The following DENND4A variants were observed in gnomAD, a reference collection of about 807,000 sequenced individuals.
The protein encoded by DENND4A is DENN domain containing 4A, also known as C-myc promoter-binding protein.
In DENND4A, 70 loss-of-function variants were observed where a neutral mutation model predicts 199.3. The observed-to-expected ratio is 0.35, with a 90% CI of 0.29 to 0.43. The LOEUF is 0.43. Ranked by LOEUF, DENND4A falls within the 20% of genes least tolerant of loss-of-function variation. The pLI, the probability that DENND4A is intolerant of heterozygous loss-of-function variation, is 1.00. For missense variants in DENND4A, 1,723 were observed against 2,255.8 expected (o/e 0.76, Z 4.78); for synonymous variants, 686 against 766.9 (o/e 0.89, Z 1.74).
At chr15:65,663,571 A>T (rs1014739546) in intron 32 of DENND4A, among the ~76,000 whole-genome samples, 3 of 152,044 alleles carry the variant, frequency 2.0e-5, no homozygotes, top group African/African-American at 7.2e-5. Context: ...CCTATTCTGT[A>T]CCATTGATTT....
chr15:65,752,321 TTAA>T, intron 4 of DENND4A, 55 bp downstream of exon 4: 1 of 550,634 alleles, frequency 1.8e-6, no homozygotes, highest in Non-Finnish European at 2.7e-6. Flanking sequence ...AAAGATGTAT[TTAA>T]AATTATGCTC....
At chr15:65,789,971 C>A (rs918705967) in intron 1 of DENND4A, among the ~76,000 whole-genome samples, 1 of 152,188 alleles carries the variant, frequency 6.6e-6, no homozygotes, top group African/African-American at 2.4e-5. Flanking sequence ...GTCTGGGCAA[C>A]ATGGCGAAAC....
chr15:65,664,684 C>G lies in DENND4A; in HGVS notation c.5398G>C (p.Asp1800His). 6.2e-7 allele frequency: 1 copy of G among 1,612,292 alleles called. No individual in the cohort carries two copies. The highest frequency in any genetic ancestry group is 8.5e-7 in the Non-Finnish European group (1 of 1,179,236). ...YPMVHLLQKS[D>H]NSFNQELLKS... ...AACAGTTCCTGGTTAAATGAGTTAT[C>G]ACTTTTTTGCAATAAATGGACCATT... The change falls in exon 31 of 33, where the codon GAT becomes CAT. Residue 1800 changes from aspartate to histidine, a missense_variant. Around this residue, in one of 6 missense-constraint regions of DENND4A, gnomAD observed 164 missense variants for 280.1 expected, o/e 0.59. Coordinates refer to ENST00000443035, the MANE Select transcript of DENND4A (RefSeq NM_001320835.1).
intron 1 of DENND4A, among the ~76,000 whole-genome samples, chr15:65,763,869 T>C (rs904825298): frequency 2.6e-5 from 4 of 152,072 alleles, no homozygotes; most frequent in Non-Finnish European, 5.9e-5. Flanking sequence ...AAATATGCAG[T>C]GGTAAATGTA....
At chr15:65,717,714 C>A in intron 13 of DENND4A, 64 bp downstream of exon 13, 3 of 1,357,328 alleles carry the variant, frequency 2.2e-6, no homozygotes, top group Admixed American at 5.3e-5. Context: ...ATACAGACAG[C>A]AAATGAATCA....
intron 1 of DENND4A, among the ~76,000 whole-genome samples, chr15:65,781,200 T>C (rs1161371124): frequency 1.3e-5 from 2 of 152,218 alleles, no homozygotes; most frequent in African/African-American, 4.8e-5. Context: ...AAAGTAGCTC[T>C]GCAGAGTTGG....
chr15:65,752,676 A>G (rs1274366774), intron 3 of DENND4A, 48 bp from the exon 4 acceptor site: 1 of 1,230,606 alleles, frequency 8.1e-7, no homozygotes, highest in East Asian at 2.6e-5. Flanking sequence ...TTTAAATATG[A>G]AAAGTAATAT....
chr15:65,729,378 A>C, intron 10 of DENND4A, 131 bp from the exon 11 acceptor site: 1 of 1,366,890 alleles, frequency 7.3e-7, no homozygotes, highest in Non-Finnish European at 1.0e-6. Flanking sequence ...AATAATTATA[A>C]CTAGAGTTAA....
chr15:65,772,108 C>A, intron 1 of DENND4A: 1 of 899,574 alleles, frequency 1.1e-6, no homozygotes, highest in Non-Finnish European at 1.8e-6. Context: ...ACGATGTCGA[C>A]ACATTTCTCA....
intron 23 of DENND4A, among the ~76,000 whole-genome samples, chr15:65,677,927 C>CTT (rs11071847): frequency 0.011 from 1,134 of 100,042 alleles, 31 homozygotes; most frequent in African/African-American, 0.035. Context: ...CCTCTTATCT[C>CTT]TTTTTTTTTT....
intron 13 of DENND4A, among the ~76,000 whole-genome samples, chr15:65,717,121 C>G (rs1340492681): frequency 2.0e-5 from 3 of 152,020 alleles, no homozygotes; most frequent in Non-Finnish European, 4.4e-5. Context: ...TATAAGCTCT[C>G]TGAGAGAAAT....
At chr15:65,698,447 T>C (rs1003000023) in intron 20 of DENND4A, among the ~76,000 whole-genome samples, 2 of 152,174 alleles carry the variant, frequency 1.3e-5, no homozygotes, top group Non-Finnish European at 1.5e-5. Context: ...GTAATCTTTT[T>C]GTTTGGATTT....
intron 1 of DENND4A, among the ~76,000 whole-genome samples, chr15:65,786,060 C>A (rs191921231): frequency 6.6e-6 from 1 of 152,056 alleles, no homozygotes; most frequent in African/African-American, 2.4e-5. Flanking sequence ...ATATTTATAT[C>A]CTAGGACCCA....
At chr15:65,755,218 G>A (rs2076669297) in intron 3 of DENND4A, among the ~76,000 whole-genome samples, 3 of 152,200 alleles carry the variant, frequency 2.0e-5, no homozygotes, top group Admixed American at 2.0e-4. Context: ...ACAGAAAGTA[G>A]CCAAAGGCTA....
At chr15:65,728,111 C>A (rs527831354) in intron 11 of DENND4A, among the ~76,000 whole-genome samples, 54 of 152,006 alleles carry the variant, frequency 3.6e-4, no homozygotes, top group Admixed American at 3.0e-3. Flanking sequence ...CGGGTTCAAG[C>A]GATTCTCCTG....
intron 11 of DENND4A, among the ~76,000 whole-genome samples, chr15:65,726,342 C>A (rs924348098): frequency 1.3e-5 from 2 of 152,004 alleles, no homozygotes; most frequent in Non-Finnish European, 1.5e-5. Context: ...TACACTCTTA[C>A]CACTGTTAAT....
intron 1 of DENND4A, among the ~76,000 whole-genome samples, chr15:65,783,085 A>G (rs536366829): frequency 2.4e-4 from 36 of 152,192 alleles, no homozygotes; most frequent in African/African-American, 8.2e-4. Context: ...CATGTAATTT[A>G]GATCAATTTA....
At chr15:65,778,317 T>C (rs2077337280) in intron 1 of DENND4A, among the ~76,000 whole-genome samples, 2 of 152,136 alleles carry the variant, frequency 1.3e-5, no homozygotes, top group African/African-American at 2.4e-5. Flanking sequence ...TCTTCTCTGG[T>C]GATAACAGCC....
In DENND4A at chr15:65,745,241, T is replaced by A. The variant is rs185643612; in HGVS notation, c.562-3457A>T. Among the ~76,000 whole-genome samples, 254 of 152,332 alleles carry A rather than the reference T, an allele frequency of 1.7e-3. 1 individual carries two copies. The highest frequency in any genetic ancestry group is 3.0e-3 in the Admixed American group (46 of 15,300). On this transcript the variant is annotated intron_variant, in intron 4 of 32. Coordinates refer to ENST00000443035, the MANE Select transcript of DENND4A (RefSeq NM_001320835.1). ...AAATACTGAATAGCTAACAGCATAA[T>A]GTGGTCAAACTAAAGTGAAAGAGAA...
Sources: gnomAD v4.1 joint callset for allele counts (sites outside exome capture counted in the v4.1 genomes callset) on GRCh38, gnomAD v4.1.1 for gene constraint, gnomAD v4.1.1 regional missense constraint, MANE v1.5 for transcripts, NCBI Gene and HGNC (gene_info 2026-07-23, HGNC 2026-07-21) for gene names.